The following ATR variants were observed in gnomAD, a reference collection of about 807,000 sequenced individuals.
ATR encodes ATR checkpoint kinase, also known as serine/threonine-protein kinase ATR.
Under a neutral mutation model 305.3 loss-of-function variants are expected in ATR, and 142 were observed. The ratio of observed to expected loss-of-function variants is 0.47; its 90% CI spans 0.41 to 0.53. The LOEUF (loss-of-function observed/expected upper bound fraction) is 0.53. Among genes scored for constraint, ATR ranks in the 20% least tolerant of loss-of-function variants. The pLI is 0.00. For synonymous variants in ATR, 1,050 were observed against 1,068.1 expected (o/e 0.98, Z 0.33); for missense variants, 2,135 against 3,133.1 (o/e 0.68, Z 7.60).
At position 142,551,858 on chromosome 3, in the gene ATR, ATAAAC is replaced by A. The variant is rs1206235767; in HGVS notation, c.2805+1364_2805+1368del. 3.9e-5 allele frequency among the ~76,000 whole-genome samples: 6 copies of A among 152,368 alleles called. No individual in the cohort carries two copies. In the South Asian group the frequency reaches 1.2e-3, roughly 32 times the overall value. ...AACTCAAGAGCTTCTGCACAGCAAAATAAACTATCATCACAGTGGACAGACAACCT... is the reference window on the plus strand; with the variant it reads ...AACTCAAGAGCTTCTGCACAGCAAAATATCATCACAGTGGACAGACAACCT... On this transcript the variant is annotated intron_variant, in intron 13 of 46. Transcript: ENST00000350721.
intron 30 of ATR, 34 bp downstream of exon 30, chr3:142,503,328 A>C (rs746513449): frequency 1.5e-5 from 22 of 1,459,516 alleles, no homozygotes; most frequent in Non-Finnish European, 3.8e-6. Flanking sequence ...ATTCAGATGC[A>C]ATAACAAAAG....
At chr3:142,482,907 C>T (rs1330373317) in intron 36 of ATR, among the ~76,000 whole-genome samples, 1 of 150,366 alleles carries the variant, frequency 6.7e-6, no homozygotes, top group African/African-American at 2.4e-5. Flanking sequence ...TGATGATGAA[C>T]AAATATTGCT....
rs144309141 is a variant in ATR, at chr3:142,472,794, C to T, written c.6222-2611G>A. ...CTGGGACTGCAGGTGCATACCACCA[C>T]GCCCGAATAATTTTTGTATTTTTTT... On this transcript the variant is annotated intron_variant, in intron 36 of 46. Transcript: ENST00000350721. Among the ~76,000 whole-genome samples the T allele has an allele frequency of 5.5e-3, 830 of 152,122 alleles. 10 individuals are homozygous for T. Among genetic ancestry groups the T allele is most frequent in the Non-Finnish European group, 7.4e-3 (501 of 67,984 alleles).
rs1319992910 is a variant in ATR at position 142,497,177 on chromosome 3, A to G, written c.5574T>C (p.Cys1858=). ...YEYIVRLHML[C]ELEHSIKPLF... is the part of the protein sequence containing the mutation. ...GTGGTTTGATGCTATGCTCCAACTC[A>G]CATAACATGTGCAATCTGAAGATAG... The change falls in exon 33 of 47, where the codon TGT becomes TGC. Residue 1858 remains cysteine (C), a synonymous_variant. Coordinates refer to ENST00000350721, the MANE Select transcript of ATR (RefSeq NM_001184.4). The G allele has an allele frequency of 1.2e-6, 2 of 1,614,064 alleles. No homozygotes were observed. The highest frequency in any genetic ancestry group is 1.7e-6 in the Non-Finnish European group (2 of 1,179,970).
At position 142,481,393 on chromosome 3, in the gene ATR, A is replaced by C. The variant is rs144278320; in HGVS notation, c.6221+3747T>G. On this transcript the variant is annotated intron_variant, in intron 36 of 46. Coordinates refer to ENST00000350721, the MANE Select transcript of ATR (RefSeq NM_001184.4). ...ATGTTGAACCATCCTTGCATTCTGGAGTAAATTCCACTTGGTCATGGTGAA... is the reference window on the plus strand; with the variant it reads ...ATGTTGAACCATCCTTGCATTCTGGCGTAAATTCCACTTGGTCATGGTGAA... Among the ~76,000 whole-genome samples, 34 of 152,308 alleles carry C rather than the reference A, an allele frequency of 2.2e-4. No homozygotes were observed. In the East Asian group the frequency reaches 5.6e-3, roughly 25 times the overall value.
intron 21 of ATR, among the ~76,000 whole-genome samples, chr3:142,533,705 T>G (rs747981458): frequency 6.6e-5 from 10 of 152,162 alleles, no homozygotes; most frequent in Non-Finnish European, 1.3e-4. Flanking sequence ...CAGTTATAGA[T>G]GCTAAACTAC....
intron 6 of ATR, 82 bp downstream of exon 6, chr3:142,560,181 G>T: frequency 7.4e-7 from 1 of 1,356,362 alleles, no homozygotes; most frequent in Non-Finnish European, 1.1e-6. Flanking sequence ...AAGGTTACAT[G>T]AGTCAAGTGA....
intron 2 of ATR, 46 bp from the exon 3 acceptor site, chr3:142,566,307 A>G (rs760512028): frequency 2.4e-5 from 38 of 1,597,092 alleles, no homozygotes; most frequent in Non-Finnish European, 3.2e-5. Flanking sequence ...AAATTAAACA[A>G]TGGTCCTTTT....
chr3:142,503,211 G>C, intron 30 of ATR, 151 bp downstream of exon 30: 1 of 586,198 alleles, frequency 1.7e-6, no homozygotes, highest in East Asian at 3.0e-5. Context: ...TGAAAAACTT[G>C]AGGAAAAAAA....
chr3:142,516,530 AC>A (rs1167898999), intron 24 of ATR, among the ~76,000 whole-genome samples: 1 of 151,880 alleles, frequency 6.6e-6, no homozygotes, highest in African/African-American at 2.4e-5. Context: ...AACCATCACC[AC>A]CCTCCTAAAG....
chr3:142,488,609 A>G (rs553954679), intron 35 of ATR, among the ~76,000 whole-genome samples: 65 of 152,344 alleles, frequency 4.3e-4, no homozygotes, highest in African/African-American at 1.5e-3. Context: ...CCCACTTCTG[A>G]TACTCTGGTA....
intron 36 of ATR, 33 bp downstream of exon 36, chr3:142,485,107 T>C (rs760481418): frequency 1.9e-6 from 3 of 1,611,794 alleles, no homozygotes; most frequent in Non-Finnish European, 2.5e-6. Flanking sequence ...TCCTTACATA[T>C]TTAATCTGCA....
chr3:142,543,064 A>G (rs1038859168), intron 16 of ATR, among the ~76,000 whole-genome samples: 1 of 152,156 alleles, frequency 6.6e-6, no homozygotes, highest in African/African-American at 2.4e-5. Context: ...CTCAGGATCT[A>G]ATTCATGTCG....
intron 46 of ATR, chr3:142,451,391 A>T (rs2070786100): frequency 6.9e-7 from 1 of 1,440,860 alleles, no homozygotes; most frequent in Admixed American, 2.2e-5. Context: ...TGGGTATTGT[A>T]AACAGAGATC....
At chr3:142,532,517 T>C (rs1294907417) in intron 21 of ATR, among the ~76,000 whole-genome samples, 2 of 152,178 alleles carry the variant, frequency 1.3e-5, no homozygotes, top group African/African-American at 4.8e-5. Flanking sequence ...AAAATATATA[T>C]TCCTCCTTAA....
At position 142,553,388 on chromosome 3, in the gene ATR, C is replaced by T; in HGVS notation, c.2644G>A (p.Gly882Arg). 1 of 1,613,540 alleles carries T rather than the reference C, an allele frequency of 6.2e-7. No individual in the cohort carries two copies. Among genetic ancestry groups the T allele is most frequent in the Non-Finnish European group, 8.5e-7 (1 of 1,179,760 alleles). The change falls in exon 13 of 47, where the codon GGA becomes AGA. Residue 882 changes from glycine to arginine, a missense_variant. By Grantham distance (125) the Gly-to-Arg change is moderately radical (BLOSUM62 -2). This residue lies in a region of ATR where 530 missense variants were observed against 766.8 expected (regional missense o/e 0.69). Coordinates refer to ENST00000350721, the MANE Select transcript of ATR (RefSeq NM_001184.4). ...TTGDIGRAAK[G>R]DLVPFALLHL... is the part of the protein sequence containing the mutation. ...AAGAGTGCAAATGGTACCAAATCTC[C>T]TTTTGCGGCCCTAAAATTAAAAACA... is the stretch of plus-strand genomic sequence containing the variant.
Position 142,559,537 on chromosome 3 carries a change from T to C in ATR, c.1542-96A>G, listed in dbSNP as rs957449187. The C allele has an allele frequency of 4.3e-6, 5 of 1,172,864 alleles. No individual in the cohort carries two copies. In the African/African-American group the frequency reaches 7.7e-5, roughly 18 times the overall value. The allele number at this position is 1,172,864 out of a possible 1,614,324, so 72.7% of individuals were successfully genotyped here. ...TAGTAAAGCCAAAAGAAATTGTGAG[T>C]ACGAAATTTATCTATAACAATTTAA... On this transcript the variant is annotated intron_variant, in intron 6 of 46. Coordinates refer to ENST00000350721, the MANE Select transcript of ATR (RefSeq NM_001184.4).
chr3:142,573,849 C>T (rs1560009713), intron 1 of ATR, among the ~76,000 whole-genome samples: 1 of 152,158 alleles, frequency 6.6e-6, no homozygotes, highest in Non-Finnish European at 1.5e-5. Flanking sequence ...GGTCAATGGT[C>T]ACATTTGGCT....
At chr3:142,561,468 A>G in intron 4 of ATR, 47 bp from the exon 5 acceptor site, 1 of 1,522,150 alleles carries the variant, frequency 6.6e-7, no homozygotes, top group South Asian at 1.2e-5. Context: ...TAGAAAATAT[A>G]TTTATATTAT....
Sources: allele counts gnomAD v4.1 joint callset (sites outside exome capture counted in the v4.1 genomes callset), GRCh38; gene constraint gnomAD v4.1.1; regional missense constraint gnomAD v4.1.1; transcripts MANE v1.5; gene names NCBI Gene and HGNC (gene_info 2026-07-23, HGNC 2026-07-21).